The following DERA variants were observed in gnomAD, a reference collection of about 807,000 sequenced individuals.
DERA encodes deoxyribose-phosphate aldolase, also known as 2-deoxy-D-ribose 5-phosphate aldolase.
DERA carries 15 observed loss-of-function variants against 41.1 expected under a neutral mutation model. That is an observed-to-expected ratio of 0.37 (90% CI 0.24 to 0.56). The LOEUF is 0.56. Among genes scored for constraint, DERA ranks in the 20% least tolerant of loss-of-function variants. DERA has a pLI of 0.81. For synonymous variants in DERA, 139 were observed against 137.4 expected (o/e 1.01, Z -0.08); for missense variants, 396 against 403.4 (o/e 0.98, Z 0.16).
chr12:15,963,911 C>T (rs1225877000), intron 5 of DERA, among the ~76,000 whole-genome samples: 2 of 152,144 alleles, frequency 1.3e-5, no homozygotes, highest in Non-Finnish European at 2.9e-5. Context: ...TTTGTGAAGC[C>T]TAATTCCATT....
In DERA at chr12:16,014,439, C is replaced by A. The variant is rs2136181013; in HGVS notation, c.638-18103C>A. On this transcript the variant is annotated intron_variant, in intron 6 of 8. Transcript: ENST00000428559. This position sits in a 1 kb window ranked among gnomAD's most constrained non-coding sequence, Gnocchi z 5.4. ...AGCCAATGTACAGCTCAGGCCATTGCTTCAGAGAGTGTAAGCTCCAAGCCT... is the reference window on the plus strand; with the variant it reads ...AGCCAATGTACAGCTCAGGCCATTGATTCAGAGAGTGTAAGCTCCAAGCCT... 6.6e-6 allele frequency among the ~76,000 whole-genome samples: 1 copy of A among 152,322 alleles called. No homozygotes were observed. Among genetic ancestry groups the A allele is most frequent in the South Asian group, 2.1e-4 (1 of 4,830 alleles).
chr12:15,971,595 C>T (rs1004887920), intron 5 of DERA, among the ~76,000 whole-genome samples: 1 of 148,566 alleles, frequency 6.7e-6, no homozygotes, highest in Non-Finnish European at 1.5e-5. Context: ...TGGCTCACTG[C>T]AGTCTCTGCC....
In DERA at chr12:15,983,872, G is replaced by A. The variant is rs1260058965; in HGVS notation, c.637+1436G>A. On this transcript the variant is annotated intron_variant, in intron 6 of 8. Coordinates refer to ENST00000428559, the MANE Select transcript of DERA (RefSeq NM_015954.4). This position sits in a 1 kb window ranked among gnomAD's most constrained non-coding sequence, Gnocchi z 6.2. ...GTTGTTATCTGAGAGCAAAATCTCA[G>A]AAAAACCTAAGGATGAGAAGGGATG... is the stretch of plus-strand genomic sequence containing the variant. 1.3e-5 allele frequency among the ~76,000 whole-genome samples: 2 copies of A among 152,136 alleles called. No individual in the cohort carries two copies. Among genetic ancestry groups the A allele is most frequent in the Non-Finnish European group, 2.9e-5 (2 of 68,014 alleles).
In DERA at chr12:15,954,862, C is replaced by T. The variant is rs1394366689; in HGVS notation, c.32-2074C>T. ...AGCCTTGCCCCACTGAGTAATAGGC[C>T]TACCTCTTTTTGATCACGGTCAACA... is the stretch of plus-strand genomic sequence containing the variant. On this transcript the variant is annotated intron_variant, in intron 1 of 8. Coordinates refer to ENST00000428559, the MANE Select transcript of DERA (RefSeq NM_015954.4). This position sits in a 1 kb window ranked among gnomAD's most constrained non-coding sequence, Gnocchi z 4.0. Among the ~76,000 whole-genome samples the T allele has an allele frequency of 6.6e-6, 1 of 152,140 alleles. No individual in the cohort carries two copies. Among genetic ancestry groups the T allele is most frequent in the African/African-American group, 2.4e-5 (1 of 41,434 alleles).
Position 15,936,293 on chromosome 12 carries a change from T to C in DERA, c.32-20643T>C, listed in dbSNP as rs1948363658. 6.6e-6 allele frequency among the ~76,000 whole-genome samples: 1 copy of C among 152,202 alleles called. No individual in the cohort carries two copies. Among genetic ancestry groups the C allele is most frequent in the African/African-American group, 2.4e-5 (1 of 41,460 alleles). On this transcript the variant is annotated intron_variant, in intron 1 of 8. Coordinates refer to ENST00000428559, the MANE Select transcript of DERA (RefSeq NM_015954.4). The surrounding 1 kb of genome is among the most constrained non-coding windows in gnomAD (Gnocchi z 4.6). ...TTTAACTTGCTTTTGTATTAGTTTC[T>C]TCCTATGGCTAAAGATTTCAAACAT... is the stretch of plus-strand genomic sequence containing the variant.
intron 1 of DERA, among the ~76,000 whole-genome samples, chr12:15,953,449 C>T (rs1294263917): frequency 2.6e-5 from 4 of 151,890 alleles, no homozygotes; most frequent in African/African-American, 7.3e-5. Context: ...CGACTTGAAC[C>T]AGAAATAATA....
In DERA at chr12:15,998,898, C is replaced by A. The variant is rs557723300; in HGVS notation, c.637+16462C>A. ...CAGTTGCACTATAGGTCCTAACCAACGCATATACAGTGTTTTTCTAAGAGC... is the reference window on the plus strand; with the variant it reads ...CAGTTGCACTATAGGTCCTAACCAAAGCATATACAGTGTTTTTCTAAGAGC... On this transcript the variant is annotated intron_variant, in intron 6 of 8. Coordinates refer to ENST00000428559, the MANE Select transcript of DERA (RefSeq NM_015954.4). The surrounding 1 kb of genome is among the most constrained non-coding windows in gnomAD (Gnocchi z 4.8). Among the ~76,000 whole-genome samples the A allele has an allele frequency of 6.6e-6, 1 of 152,104 alleles. No homozygotes were observed. Among genetic ancestry groups the A allele is most frequent in the Non-Finnish European group, 1.5e-5 (1 of 68,024 alleles).
intron 6 of DERA, among the ~76,000 whole-genome samples, chr12:16,015,541 TCAATTAA>T (rs1453448242): frequency 6.6e-6 from 1 of 152,210 alleles, no homozygotes; most frequent in African/African-American, 2.4e-5. Flanking sequence ...GAACTGTGAG[TCAATTAA>T]CACCCTTTCC....
chr12:16,036,516 C>T lies in DERA; in HGVS notation c.900+135C>T. The T allele has an allele frequency of 2.6e-6, 3 of 1,167,934 alleles. No homozygotes were observed. The highest frequency in any genetic ancestry group is 3.6e-6 in the Non-Finnish European group (3 of 838,778). The allele number at this position is 1,167,934 out of a possible 1,614,324, so 72.3% of individuals were successfully genotyped here. A position where few individuals can be genotyped will look rare whatever the true frequency, so the allele number is the denominator to read the frequency against. ...CTACCCAATCCTCTACCTTTTCTTC[C>T]AAGCAAACCGCCATCAGAAGTGAGT... On this transcript the variant is annotated intron_variant, in intron 8 of 8. Transcript: ENST00000428559. This position sits in a 1 kb window ranked among gnomAD's most constrained non-coding sequence, Gnocchi z 4.9.
rs1948181451 is a variant in DERA at position 15,913,902 on chromosome 12, C to A, written c.31+2488C>A. Reference sequence around the variant, plus strand: ...GGCTTAATGATCTCCAAGGTACTATCAAGTTTTGTACCTAGACTATTATGC... The same window carrying A: ...GGCTTAATGATCTCCAAGGTACTATAAAGTTTTGTACCTAGACTATTATGC... On this transcript the variant is annotated intron_variant, in intron 1 of 8. Transcript: ENST00000428559. The surrounding 1 kb of genome is among the most constrained non-coding windows in gnomAD (Gnocchi z 4.5). Among the ~76,000 whole-genome samples, 1 of 152,182 alleles carries A rather than the reference C, an allele frequency of 6.6e-6. No homozygotes were observed. The highest frequency in any genetic ancestry group is 1.5e-5 in the Non-Finnish European group (1 of 68,026).
rs1948810620 is a variant in DERA at position 15,992,766 on chromosome 12, T to G, written c.637+10330T>G. ...GCCCAGCAAATGCACACATTAAGAA[T>G]AATGCCAGAATGTAGAAAAGTGGCT... On this transcript the variant is annotated intron_variant, in intron 6 of 8. Coordinates refer to ENST00000428559, the MANE Select transcript of DERA (RefSeq NM_015954.4). This position sits in a 1 kb window ranked among gnomAD's most constrained non-coding sequence, Gnocchi z 4.3. Among the ~76,000 whole-genome samples, 1 of 152,172 alleles carries G rather than the reference T, an allele frequency of 6.6e-6. No homozygotes were observed. The highest frequency in any genetic ancestry group is 6.5e-5 in the Admixed American group (1 of 15,280).
Position 15,959,863 on chromosome 12 carries a change from C to T in DERA, c.312C>T (p.Ala104=). 6.4e-7 allele frequency: 1 copy of T among 1,550,680 alleles called. No individual in the cohort carries two copies. Among genetic ancestry groups the T allele is most frequent in the South Asian group, 1.2e-5 (1 of 83,944 alleles). The change falls in exon 4 of 9, where the codon GCC becomes GCT. Residue 104 remains alanine, a synonymous_variant. Coordinates refer to ENST00000428559, the MANE Select transcript of DERA (RefSeq NM_015954.4). The surrounding 1 kb of genome is among the most constrained non-coding windows in gnomAD (Gnocchi z 4.5). ...ITTAAVCVYP[A]RVCDAVKALK... Reference sequence around the variant, plus strand: ...CAGCCGCCGTTTGTGTTTATCCCGCCCGGGTGTGTGATGCTGTAAAAGCAC... The same window carrying T: ...CAGCCGCCGTTTGTGTTTATCCCGCTCGGGTGTGTGATGCTGTAAAAGCAC...
chr12:16,018,599 T>C (rs1035171432), intron 6 of DERA, among the ~76,000 whole-genome samples: 17 of 152,124 alleles, frequency 1.1e-4, no homozygotes, highest in Admixed American at 3.3e-4. Context: ...CAACAGCTGA[T>C]TAGAAGTCAT....
In DERA at chr12:15,995,955, C is replaced by T. The variant is rs958991996; in HGVS notation, c.637+13519C>T. ...GAGCTAGTTATTATAGGAAGAATTT[C>T]GTCAGTGTCTGAATCACCTGGAAAT... On this transcript the variant is annotated intron_variant, in intron 6 of 8. Transcript: ENST00000428559. The surrounding 1 kb of genome is among the most constrained non-coding windows in gnomAD (Gnocchi z 5.1). Among the ~76,000 whole-genome samples the T allele has an allele frequency of 6.6e-6, 1 of 152,088 alleles. No homozygotes were observed. Among genetic ancestry groups the T allele is most frequent in the Admixed American group, 6.6e-5 (1 of 15,258 alleles).
At position 16,020,419 on chromosome 12, in the gene DERA, T is replaced by TG. The variant is rs1949011013; in HGVS notation, c.638-12118dup. ...TACCAGAGACACCTGAACATTGGGGTGGGGGTTACAATTTGACATGAGATT... is the reference window on the plus strand; with the variant it reads ...TACCAGAGACACCTGAACATTGGGGTGGGGGGTTACAATTTGACATGAGATT... On this transcript the variant is annotated intron_variant, in intron 6 of 8. Transcript: ENST00000428559. The surrounding 1 kb of genome is among the most constrained non-coding windows in gnomAD (Gnocchi z 5.5). Among the ~76,000 whole-genome samples the TG allele has an allele frequency of 6.6e-6, 1 of 151,736 alleles. No homozygotes were observed. Among genetic ancestry groups the TG allele is most frequent in the South Asian group, 2.1e-4 (1 of 4,796 alleles).
chr12:15,937,696 A>T (rs549975356), intron 1 of DERA, among the ~76,000 whole-genome samples: 41 of 151,064 alleles, frequency 2.7e-4, no homozygotes, highest in Non-Finnish European at 5.0e-4. Flanking sequence ...CACTAACTGC[A>T]CAATATTTGT....
Position 15,988,179 on chromosome 12 carries a change from A to G in DERA, c.637+5743A>G, listed in dbSNP as rs543559915. Among the ~76,000 whole-genome samples the G allele has an allele frequency of 6.6e-6, 1 of 152,276 alleles. No individual in the cohort carries two copies. Among genetic ancestry groups the G allele is most frequent in the Admixed American group, 6.5e-5 (1 of 15,296 alleles). On this transcript the variant is annotated intron_variant, in intron 6 of 8. Coordinates refer to ENST00000428559, the MANE Select transcript of DERA (RefSeq NM_015954.4). This position sits in a 1 kb window ranked among gnomAD's most constrained non-coding sequence, Gnocchi z 6.0. The stretch of plus-strand genomic sequence containing the variant: ...GGAGCCCTGAGTTCTGGGCTCCCAG[A>G]AGGGCCGCAGCTCCTTCTTCCTTCT...
rs1948385541 is a variant in DERA, at chr12:15,938,235, A to G, written c.32-18701A>G. ...TGGATATTTGTTAGGGTGACTTAGC[A>G]TGCAAATTAGACACTTTTGACAGCA... On this transcript the variant is annotated intron_variant, in intron 1 of 8. Transcript: ENST00000428559. The surrounding 1 kb of genome is among the most constrained non-coding windows in gnomAD (Gnocchi z 4.1). 6.6e-6 allele frequency among the ~76,000 whole-genome samples: 1 copy of G among 152,238 alleles called. No individual in the cohort carries two copies. The highest frequency in any genetic ancestry group is 2.4e-5 in the African/African-American group (1 of 41,464).
At position 15,913,618 on chromosome 12, in the gene DERA, C is replaced by A. The variant is rs1016310634; in HGVS notation, c.31+2204C>A. 6.6e-6 allele frequency among the ~76,000 whole-genome samples: 1 copy of A among 152,088 alleles called. No individual in the cohort carries two copies. The highest frequency in any genetic ancestry group is 2.4e-5 in the African/African-American group (1 of 41,418). ...AAAATGTTGTAATATTATTACTAGT[C>A]CAATCACTGTTATTTATGATTTGGT... On this transcript the variant is annotated intron_variant, in intron 1 of 8. Coordinates refer to ENST00000428559, the MANE Select transcript of DERA (RefSeq NM_015954.4). The surrounding 1 kb of genome is among the most constrained non-coding windows in gnomAD (Gnocchi z 4.5).
Sources: allele counts gnomAD v4.1 joint callset (sites outside exome capture counted in the v4.1 genomes callset), GRCh38; gene constraint gnomAD v4.1.1; non-coding constraint Gnocchi (gnomAD v3.1); transcripts MANE v1.5; gene names NCBI Gene and HGNC (gene_info 2026-07-23, HGNC 2026-07-21).